LIMS1: variants seen among roughly 807,000 people sequenced by gnomAD.
LIMS1 encodes the protein LIM and senescent cell antigen-like-containing domain protein 1.
LIMS1 carries 18 observed loss-of-function variants against 44.1 expected under a neutral mutation model. The observed-to-expected ratio is 0.41, with a 90% confidence interval of 0.28 to 0.61. The LOEUF is 0.61. LIMS1 is among the 20% of genes least tolerant of loss of function. The pLI, the probability that LIMS1 is intolerant of heterozygous loss-of-function variation, is 0.32. For synonymous variants in LIMS1, 93 were observed against 149.1 expected (o/e 0.62, Z 2.74); for missense variants, 201 against 422.0 (o/e 0.48, Z 4.59).
rs116104684 is a variant in LIMS1, at chr2:108,625,439, G to A, written c.33-34166G>A. On this transcript the variant is annotated intron_variant, in intron 1 of 9. Coordinates refer to ENST00000544547, the Ensembl canonical transcript of LIMS1. ...GGGCTGACCCCTGGTCTAGTGCTGA[G>A]ATAAGAACTCCTAGAGCTTTCCCTT... is the stretch of plus-strand genomic sequence containing the variant. Among the ~76,000 whole-genome samples the A allele has an allele frequency of 3.4e-3, 512 of 152,248 alleles. 2 individuals are homozygous for A. The highest frequency in any genetic ancestry group is 0.011 in the African/African-American group (469 of 41,534).
In LIMS1 at chr2:108,548,131, A is replaced by G. The variant is rs548009423; in HGVS notation, c.32+13537A>G. Reference sequence around the variant, plus strand: ...GTCATTGAATGTGTTTACATGACTGAGGATAATGATGAAAAAATGTGGTTA... The same window carrying G: ...GTCATTGAATGTGTTTACATGACTGGGGATAATGATGAAAAAATGTGGTTA... On this transcript the variant is annotated intron_variant, in intron 1 of 9. Coordinates refer to ENST00000544547, the Ensembl canonical transcript of LIMS1. Among the ~76,000 whole-genome samples the G allele has an allele frequency of 2.6e-5, 4 of 152,336 alleles. No homozygotes were observed. In the East Asian group the frequency reaches 7.7e-4, roughly 29 times the overall value.
chr2:108,602,511 A>G (rs919510782), intron 1 of LIMS1, among the ~76,000 whole-genome samples: 1 of 152,218 alleles, frequency 6.6e-6, no homozygotes, highest in African/African-American at 2.4e-5. Context: ...AGTGATGTCA[A>G]ATTTTATCAA....
chr2:108,652,929 C>A (rs1325902305), intron 1 of LIMS1, among the ~76,000 whole-genome samples: 4 of 152,076 alleles, frequency 2.6e-5, no homozygotes, highest in Non-Finnish European at 4.4e-5. Flanking sequence ...AAAAAAAAAA[C>A]CTAAAAAATT....
chr2:108,618,739 C>T (rs1045222761), intron 1 of LIMS1, among the ~76,000 whole-genome samples: 3 of 149,354 alleles, frequency 2.0e-5, no homozygotes, highest in Admixed American at 6.8e-5. Context: ...GCAGGGGAAT[C>T]GCTTGAACTC....
At chr2:108,588,270 GA>G (rs11323095) in intron 1 of LIMS1, 537,881 of 798,140 alleles carry the variant, frequency 0.67, 168,613 homozygotes, top group East Asian at 0.98. Context: ...CTAAATACAG[GA>G]AAAAAAAAAA....
chr2:108,563,810 G>A (rs1685202956), intron 1 of LIMS1, among the ~76,000 whole-genome samples: 1 of 152,164 alleles, frequency 6.6e-6, no homozygotes, highest in African/African-American at 2.4e-5. Flanking sequence ...TGTAAATCCA[G>A]CACTTTGGGA....
intron 1 of LIMS1, among the ~76,000 whole-genome samples, chr2:108,603,117 G>C (rs1368405474): frequency 6.6e-6 from 1 of 152,084 alleles, no homozygotes; most frequent in Non-Finnish European, 1.5e-5. Flanking sequence ...GTCTTTTTCT[G>C]GTTTTGTTAT....
intron 1 of LIMS1, among the ~76,000 whole-genome samples, chr2:108,593,128 A>C (rs1287211236): frequency 6.6e-6 from 1 of 151,988 alleles, no homozygotes; most frequent in Non-Finnish European, 1.5e-5. Context: ...TTTGTTTTTT[A>C]GTTTACTCTG....
intron 1 of LIMS1, among the ~76,000 whole-genome samples, chr2:108,556,786 T>C (rs796367271): frequency 9.2e-5 from 14 of 152,328 alleles, no homozygotes; most frequent in African/African-American, 3.4e-4. Flanking sequence ...AGGGCAGTCA[T>C]GCCCCAGGCA....
At chr2:108,670,243 G>C (rs1692075439) in intron 2 of LIMS1, among the ~76,000 whole-genome samples, 1 of 152,146 alleles carries the variant, frequency 6.6e-6, no homozygotes, top group Non-Finnish European at 1.5e-5. Context: ...CCAGTGCTTT[G>C]AGAGACTGAG....
intron 1 of LIMS1, among the ~76,000 whole-genome samples, chr2:108,536,180 G>C (rs1684133031): frequency 6.6e-6 from 1 of 152,144 alleles, no homozygotes; most frequent in Non-Finnish European, 1.5e-5. Context: ...TTCCCATCCT[G>C]AATTTACCAT....
chr2:108,681,621 A>C, intron 9 of LIMS1: 2 of 955,550 alleles, frequency 2.1e-6, no homozygotes, highest in Non-Finnish European at 1.2e-6. Context: ...TAAGTTATGT[A>C]TTAAATTATT....
intron 3 of LIMS1, among the ~76,000 whole-genome samples, 155 bp from the exon 4 acceptor site, chr2:108,672,165 CAAAAA>C (rs559219796): frequency 7.0e-5 from 4 of 56,818 alleles, no homozygotes; most frequent in Admixed American, 2.1e-4. Flanking sequence ...GAAACTGTCT[CAAAAA>C]AAAAAAAAAA....
exon 10 of LIMS1, chr2:108,684,381 A>G (rs1693199139): frequency 1.3e-5 from 2 of 152,384 alleles, no homozygotes; most frequent in South Asian, 4.1e-4. Context: ...TGTTCAAAAG[A>G]AAATTCCAAC....
chr2:108,616,405 C>T (rs1286008920), intron 1 of LIMS1, among the ~76,000 whole-genome samples: 1 of 151,982 alleles, frequency 6.6e-6, no homozygotes, highest in Non-Finnish European at 1.5e-5. Context: ...AAGATAAGGT[C>T]TCACTGTGTT....
At chr2:108,575,640 G>A (rs1000261722) in intron 1 of LIMS1, among the ~76,000 whole-genome samples, 5 of 152,204 alleles carry the variant, frequency 3.3e-5, no homozygotes, top group Admixed American at 6.5e-5. Flanking sequence ...GAACACTGAT[G>A]TTAGAGTTGC....
At chr2:108,579,737 C>T (rs1018281984) in intron 1 of LIMS1, among the ~76,000 whole-genome samples, 6 of 152,218 alleles carry the variant, frequency 3.9e-5, no homozygotes, top group Non-Finnish European at 8.8e-5. Flanking sequence ...GCATGGGGCA[C>T]AGCTGTGAAC....
chr2:108,650,413 CTTT>C (rs113015874), intron 1 of LIMS1, among the ~76,000 whole-genome samples: 1 of 145,174 alleles, frequency 6.9e-6, no homozygotes. Context: ...CTTTTCTTTT[CTTT>C]TTTTTTTTTT....
intron 1 of LIMS1, among the ~76,000 whole-genome samples, chr2:108,644,046 T>C (rs1205305304): frequency 1.3e-5 from 2 of 152,132 alleles, no homozygotes; most frequent in Non-Finnish European, 2.9e-5. Context: ...AACCGTCACC[T>C]CCCGGGACAG....
Sources: allele counts gnomAD v4.1 joint callset (sites outside exome capture counted in the v4.1 genomes callset), GRCh38; gene constraint gnomAD v4.1.1; transcripts MANE v1.5; gene names NCBI Gene and HGNC (gene_info 2026-07-23, HGNC 2026-07-21).